TBC1D22B: variants seen among roughly 807,000 people sequenced by gnomAD.
TBC1D22B encodes chromosome 6 open reading frame 197.
Under a neutral mutation model 69.1 loss-of-function variants are expected in TBC1D22B, and 32 were observed. That is an observed-to-expected ratio of 0.46 (90% confidence interval 0.35 to 0.62). The LOEUF is 0.62. TBC1D22B is among the 20% of genes least tolerant of loss of function. The pLI, the probability that TBC1D22B is intolerant of heterozygous loss-of-function variation, is 0.00. For missense variants in TBC1D22B, 462 were observed against 630.9 expected (o/e 0.73, Z 2.87); for synonymous variants, 206 against 229.8 (o/e 0.90, Z 0.94).
chr6:37,272,442 G>A (rs1766518321), intron 2 of TBC1D22B, among the ~76,000 whole-genome samples: 1 of 151,246 alleles, frequency 6.6e-6, no homozygotes, highest in African/African-American at 2.4e-5. Context: ...GCTCACTGCA[G>A]CCTTGACCTC....
chr6:37,316,924 C>T lies in TBC1D22B; in HGVS notation c.1293+94C>T, dbSNP rs1313662707. ...GGAATGTAGCTGCTTAGAAGCTTCC[C>T]CTTCTCCTCTTTTCTACTTCCATGT... On this transcript the variant is annotated intron_variant, in intron 11 of 12. Transcript: ENST00000373491. The T allele has an allele frequency of 3.1e-5, 49 of 1,581,506 alleles. 1 individual carries two copies. The South Asian group carries it at 5.3e-4, about 17-fold the overall frequency.
intron 1 of TBC1D22B, among the ~76,000 whole-genome samples, chr6:37,262,031 CTTTTT>C (rs142500151): frequency 4.5e-5 from 4 of 88,106 alleles, no homozygotes; most frequent in African/African-American, 4.7e-5. Flanking sequence ...AAAAAATCAC[CTTTTT>C]TTTTTTTTTT....
intron 8 of TBC1D22B, among the ~76,000 whole-genome samples, chr6:37,309,317 G>A (rs1767832641): frequency 6.6e-6 from 1 of 152,232 alleles, no homozygotes; most frequent in African/African-American, 2.4e-5. Flanking sequence ...TAGGGCTGGT[G>A]TGACAGCGAT....
chr6:37,275,672 A>G (rs1316723425), intron 2 of TBC1D22B, among the ~76,000 whole-genome samples: 1 of 152,252 alleles, frequency 6.6e-6, no homozygotes, highest in Non-Finnish European at 1.5e-5. Context: ...ATTAGATAAG[A>G]AAATGGGTAT....
chr6:37,275,609 C>T (rs547862383), intron 2 of TBC1D22B, among the ~76,000 whole-genome samples: 3 of 152,234 alleles, frequency 2.0e-5, no homozygotes, highest in African/African-American at 7.2e-5. Context: ...TCAGTTCCCT[C>T]ATCTGTAAAT....
chr6:37,269,489 T>C, intron 1 of TBC1D22B, 105 bp from the exon 2 acceptor site: 1 of 1,018,838 alleles, frequency 9.8e-7, no homozygotes, highest in Non-Finnish European at 1.5e-6. Context: ...AGAGATAACC[T>C]ATTTATCAAA....
intron 6 of TBC1D22B, among the ~76,000 whole-genome samples, chr6:37,285,284 C>T (rs1302996986): frequency 7.0e-6 from 1 of 142,960 alleles, no homozygotes; most frequent in Non-Finnish European, 1.5e-5. Flanking sequence ...GCTTCAGTTA[C>T]TGAAGGCCAA....
chr6:37,274,028 C>T (rs1393235532), intron 2 of TBC1D22B, among the ~76,000 whole-genome samples: 3 of 152,234 alleles, frequency 2.0e-5, no homozygotes, highest in African/African-American at 4.8e-5. Context: ...ATTAGTGATA[C>T]TATTGCCTGC....
chr6:37,289,611 C>T (rs1767115805), intron 7 of TBC1D22B, among the ~76,000 whole-genome samples: 1 of 152,166 alleles, frequency 6.6e-6, no homozygotes, highest in South Asian at 2.1e-4. Context: ...TTACAAGGGG[C>T]TGATCCTATA....
At chr6:37,329,454 T>C (rs988076673) in intron 12 of TBC1D22B, among the ~76,000 whole-genome samples, 3 of 152,246 alleles carry the variant, frequency 2.0e-5, no homozygotes, top group Non-Finnish European at 4.4e-5. Flanking sequence ...ATGCAGTGAA[T>C]ACCTTTGTAC....
At chr6:37,295,642 A>C (rs1469418860) in intron 8 of TBC1D22B, 2 of 435,842 alleles carry the variant, frequency 4.6e-6, no homozygotes, top group Admixed American at 5.2e-5. Flanking sequence ...TGGCACTGTC[A>C]TCAAGGTTCT....
chr6:37,328,124 G>A (rs906314861), intron 12 of TBC1D22B, among the ~76,000 whole-genome samples: 3 of 152,004 alleles, frequency 2.0e-5, no homozygotes, highest in Non-Finnish European at 1.5e-5. Context: ...GACCAGCCTG[G>A]CCAACATGGT....
At position 37,282,962 on chromosome 6, in the gene TBC1D22B, A is replaced by C. The variant is rs766792010; in HGVS notation, c.672+10A>C. The C allele has an allele frequency of 2.5e-6, 4 of 1,612,902 alleles. No individual in the cohort carries two copies. In the African/African-American group the frequency reaches 5.3e-5, roughly 22 times the overall value. On this transcript the variant is annotated intron_variant, in intron 5 of 12. Transcript: ENST00000373491. ...CTGGAGACTCCTGTCGGTGAGTTCT[A>C]CCCACTGTGTAGAGAAATGTGAGCC...
At chr6:37,260,110 A>G (rs6912213) in intron 1 of TBC1D22B, among the ~76,000 whole-genome samples, 150,267 of 152,322 alleles carry the variant, frequency 0.99, 74,144 homozygotes, top group Middle Eastern at 1. Flanking sequence ...TGAAGCCCAC[A>G]AGCCTCTGGT....
chr6:37,311,400 A>T (rs977138613), intron 8 of TBC1D22B, among the ~76,000 whole-genome samples: 1 of 152,160 alleles, frequency 6.6e-6, no homozygotes, highest in East Asian at 1.9e-4. Context: ...GGTCAGGTGC[A>T]GTGGCTCACA....
intron 2 of TBC1D22B, among the ~76,000 whole-genome samples, chr6:37,270,846 G>A (rs1451530427): frequency 6.6e-6 from 1 of 152,090 alleles, no homozygotes; most frequent in East Asian, 1.9e-4. Context: ...CAGTCAATAG[G>A]GAAGTAAAGA....
chr6:37,289,116 C>T (rs1348391284), intron 7 of TBC1D22B, among the ~76,000 whole-genome samples: 2 of 152,104 alleles, frequency 1.3e-5, no homozygotes, highest in Non-Finnish European at 2.9e-5. Flanking sequence ...GGACTGGTCT[C>T]GAACCCCTGG....
At chr6:37,287,465 G>A (rs891920587) in intron 7 of TBC1D22B, among the ~76,000 whole-genome samples, 9 of 152,244 alleles carry the variant, frequency 5.9e-5, no homozygotes, top group African/African-American at 1.4e-4. Flanking sequence ...GTACAGTCAC[G>A]TTATTGTATG....
At chr6:37,269,790 T>G in intron 2 of TBC1D22B, 140 bp downstream of exon 2, 3 of 747,162 alleles carry the variant, frequency 4.0e-6, no homozygotes, top group Non-Finnish European at 7.0e-6. Context: ...TGAGCAATGT[T>G]CTTACTTCCA....
Sources: allele counts gnomAD v4.1 joint callset (sites outside exome capture counted in the v4.1 genomes callset), GRCh38; gene constraint gnomAD v4.1.1; transcripts MANE v1.5; gene names NCBI Gene and HGNC (gene_info 2026-07-23, HGNC 2026-07-21).